ADNP2: variants seen among roughly 807,000 people sequenced by gnomAD.
ADNP2 encodes activity-dependent neuroprotector homeobox protein 2.
A neutral mutation model predicts 16.4 loss-of-function variants in ADNP2; 8 were observed. The ratio of observed to expected loss-of-function variants is 0.49; its 90% CI spans 0.29 to 0.88. The LOEUF is 0.88. Among genes scored for constraint, ADNP2 ranks in the 40% least tolerant of loss-of-function variants. The pLI is 0.09. For synonymous variants in ADNP2, 637 were observed against 545.8 expected (o/e 1.17, Z -2.33); for missense variants, 1,397 against 1,395.1 (o/e 1.00, Z -0.02).
At chr18:80,121,961 G>A (rs1013853855) in intron 2 of ADNP2, among the ~76,000 whole-genome samples, 9 of 151,720 alleles carry the variant, frequency 5.9e-5, no homozygotes, top group African/African-American at 1.5e-4. Context: ...CTGTCACCCC[G>A]GTTGGAGTGC....
intron 1 of ADNP2, among the ~76,000 whole-genome samples, chr18:80,114,844 G>A (rs922682491): frequency 2.0e-5 from 3 of 152,012 alleles, no homozygotes; most frequent in African/African-American, 2.4e-5. Flanking sequence ...TCCTCAAGAG[G>A]CATCTTCACT....
At chr18:80,125,757 G>A (rs764090245) in intron 2 of ADNP2, among the ~76,000 whole-genome samples, 3 of 152,162 alleles carry the variant, frequency 2.0e-5, no homozygotes, top group Non-Finnish European at 4.4e-5. Context: ...GCTGCAATGA[G>A]CCATGATTAC....
At chr18:80,122,823 GTTTAGAACGT>G (rs2052433393) in intron 2 of ADNP2, among the ~76,000 whole-genome samples, 2 of 152,218 alleles carry the variant, frequency 1.3e-5, no homozygotes, top group African/African-American at 4.8e-5. Context: ...TCATTGTTCT[GTTTAGAACGT>G]CCAGTATAAT....
chr18:80,131,070 G>C (rs2145208142), intron 2 of ADNP2, among the ~76,000 whole-genome samples: 1 of 152,292 alleles, frequency 6.6e-6, no homozygotes, highest in East Asian at 1.9e-4. Flanking sequence ...ACGTAAGGTG[G>C]AGGCCTTCCT....
rs763016663 is a variant in ADNP2, at chr18:80,137,973, C to G, written c.2560C>G (p.Pro854Ala). The G allele has an allele frequency of 9.9e-6, 16 of 1,613,102 alleles. No homozygotes were observed. Among genetic ancestry groups the G allele is most frequent in the Middle Eastern group, 3.3e-4 (2 of 6,084 alleles). Reference protein sequence around the residue: ...LAGIHSKSLVPVYVKVRPQAE... With the variant: ...LAGIHSKSLVAVYVKVRPQAE... ...TGGGATACACTCCAAGTCACTGGTG[C>G]CTGTGTATGTGAAGGTGAGGCCTCA... Residue 854 changes from proline to alanine, a missense_variant, in exon 4 of 4, where the codon CCT becomes GCT. Physicochemically the swap from Pro to Ala is conservative, Grantham distance 27. Coordinates refer to ENST00000262198, the MANE Select transcript of ADNP2 (RefSeq NM_014913.4). The surrounding 1 kb of genome is among the most constrained non-coding windows in gnomAD (Gnocchi z 4.2).
In ADNP2 at chr18:80,137,562, A is replaced by G; in HGVS notation, c.2149A>G (p.Lys717Glu). Residue 717 changes from lysine (K) to glutamate (E), a missense_variant, in exon 4 of 4, where the codon AAG becomes GAG. By Grantham distance (56) the Lys-to-Glu change is moderately conservative (BLOSUM62 1). This residue lies in a region of ADNP2 where 611 missense variants were observed against 648.7 expected (regional missense o/e 0.94). Coordinates refer to ENST00000262198, the MANE Select transcript of ADNP2 (RefSeq NM_014913.4). This position sits in a 1 kb window ranked among gnomAD's most constrained non-coding sequence, Gnocchi z 4.2. Reference sequence around the variant, plus strand: ...CCAGGTCCACATGGAGGTAGCGCATAAGCACAGCGAGTCCAAGTCTGGTGA... The same window carrying G: ...CCAGGTCCACATGGAGGTAGCGCATGAGCACAGCGAGTCCAAGTCTGGTGA... Reference protein sequence around the residue: ...VYQVHMEVAHKHSESKSGEKL... With the variant: ...VYQVHMEVAHEHSESKSGEKL... 6.2e-7 allele frequency: 1 copy of G among 1,614,250 alleles called. No homozygotes were observed.
At chr18:80,112,464 C>A (rs529540464) in intron 1 of ADNP2, among the ~76,000 whole-genome samples, 14 of 151,954 alleles carry the variant, frequency 9.2e-5, no homozygotes, top group African/African-American at 3.4e-4. Context: ...AACTTTTCCC[C>A]CTCCTTTTTT....
intron 2 of ADNP2, among the ~76,000 whole-genome samples, chr18:80,131,859 G>A (rs865856098): frequency 6.6e-6 from 1 of 151,686 alleles, no homozygotes; most frequent in African/African-American, 2.4e-5. Flanking sequence ...TGGGGTGGGG[G>A]GCAGGGGGAG....
intron 2 of ADNP2, among the ~76,000 whole-genome samples, chr18:80,119,933 C>T (rs2052413867): frequency 6.6e-6 from 1 of 152,168 alleles, no homozygotes; most frequent in Admixed American, 6.5e-5. Context: ...CCAATCTGTG[C>T]CAGCCCCCAA....
chr18:80,127,945 TC>T (rs1182857414), intron 2 of ADNP2, among the ~76,000 whole-genome samples: 10 of 152,262 alleles, frequency 6.6e-5, no homozygotes, highest in African/African-American at 2.2e-4. Flanking sequence ...CATGAGAGCC[TC>T]AGTGCTCAGA....
chr18:80,112,434 A>C (rs1014229948), intron 1 of ADNP2, among the ~76,000 whole-genome samples: 2 of 140,608 alleles, frequency 1.4e-5, no homozygotes, highest in Non-Finnish European at 3.1e-5. Flanking sequence ...ACTGCTAAAC[A>C]AAAAAAAAAA....
At chr18:80,118,888 G>A (rs750811943) in intron 2 of ADNP2, among the ~76,000 whole-genome samples, 1 of 152,148 alleles carries the variant, frequency 6.6e-6, no homozygotes, top group Admixed American at 6.5e-5. Flanking sequence ...TGTTGAATTA[G>A]TAAAACTATT....
At chr18:80,115,206 C>T (rs1306466018) in intron 1 of ADNP2, among the ~76,000 whole-genome samples, 5 of 152,148 alleles carry the variant, frequency 3.3e-5, no homozygotes, top group African/African-American at 4.8e-5. Context: ...CACATTGTCT[C>T]GTATCTGGCC....
rs1289110364 is a variant in ADNP2 at position 80,139,494 on chromosome 18, C to T, written c.*685C>T. 1 of 152,044 alleles carries T rather than the reference C, an allele frequency of 6.6e-6. No individual in the cohort carries two copies. Among genetic ancestry groups the T allele is most frequent in the Non-Finnish European group, 1.5e-5 (1 of 67,964 alleles). 9.4% of individuals were successfully genotyped at this position (152,044 alleles called of 1,614,324 possible). A position where few individuals can be genotyped will look rare whatever the true frequency, so the allele number is the denominator to read the frequency against. ...ACATCTGGTATGCTGGTATGTAGCT[C>T]ATACATCAAGAGTTATTTTACAAAT... On this transcript the variant is annotated 3_prime_UTR_variant, in exon 4 of 4. Coordinates refer to ENST00000262198, the MANE Select transcript of ADNP2 (RefSeq NM_014913.4).
intron 2 of ADNP2, among the ~76,000 whole-genome samples, chr18:80,124,627 T>C (rs916535477): frequency 6.6e-6 from 1 of 152,098 alleles, no homozygotes; most frequent in Non-Finnish European, 1.5e-5. Context: ...GTGGCTTCCT[T>C]ATGCAGGCAT....
rs1229419821 is a variant in ADNP2, at chr18:80,119,741, G to GT, written c.108+2097dup. 5.9e-5 allele frequency among the ~76,000 whole-genome samples: 9 copies of GT among 152,324 alleles called. No homozygotes were observed. The East Asian group carries it at 1.7e-3, about 29-fold the overall frequency. ...TGCACATAGAAACTCTTTAGGAGTT[G>GT]TTTTTTATAAAAATTAACATCTGAT... On this transcript the variant is annotated intron_variant, in intron 2 of 3. Transcript: ENST00000262198.
At chr18:80,128,072 T>C (rs2052472158) in intron 2 of ADNP2, among the ~76,000 whole-genome samples, 1 of 152,274 alleles carries the variant, frequency 6.6e-6, no homozygotes. Flanking sequence ...TCTTGCTTTC[T>C]ATCAGGTGAT....
At chr18:80,123,535 A>G (rs1014211659) in intron 2 of ADNP2, among the ~76,000 whole-genome samples, 16 of 151,066 alleles carry the variant, frequency 1.1e-4, no homozygotes, top group Non-Finnish European at 2.2e-4. Flanking sequence ...ACACCCAGCT[A>G]ATTTTTCTAT....
intron 2 of ADNP2, among the ~76,000 whole-genome samples, chr18:80,129,602 C>T (rs2052483339): frequency 6.6e-6 from 1 of 152,138 alleles, no homozygotes; most frequent in African/African-American, 2.4e-5. Flanking sequence ...CCCTGAGCTT[C>T]TTTTAAATGA....
Sources: gnomAD v4.1 joint callset for allele counts (sites outside exome capture counted in the v4.1 genomes callset) on GRCh38, gnomAD v4.1.1 for gene constraint, gnomAD v4.1.1 regional missense constraint, Gnocchi (gnomAD v3.1) non-coding constraint, MANE v1.5 for transcripts, NCBI Gene and HGNC (gene_info 2026-07-23, HGNC 2026-07-21) for gene names.